The following KAZN variants were observed in gnomAD, a reference collection of about 807,000 sequenced individuals.
KAZN encodes the protein kazrin.
KAZN carries 40 observed loss-of-function variants against 87.4 expected under a neutral mutation model. The observed-to-expected ratio is 0.46, with a 90% CI of 0.36 to 0.60. The LOEUF (loss-of-function observed/expected upper bound fraction) is 0.60. KAZN is among the 20% of genes least tolerant of loss of function. The probability of loss-of-function intolerance (pLI) is 0.00; values close to 1 mark genes in which losing one functional copy is unlikely to be tolerated. For synonymous variants in KAZN, 466 were observed against 458.3 expected (o/e 1.02, Z -0.22); for missense variants, 898 against 1,073.9 (o/e 0.84, Z 2.29).
intron 1 of KAZN, among the ~76,000 whole-genome samples, chr1:14,874,623 T>C (rs897868403): frequency 3.3e-5 from 5 of 152,348 alleles, no homozygotes; most frequent in African/African-American, 1.2e-4. Context: ...AACTGTTGCC[T>C]GACACTCCGT....
intron 1 of KAZN, among the ~76,000 whole-genome samples, chr1:14,122,376 G>T (rs898536918): frequency 5.3e-5 from 8 of 152,060 alleles, no homozygotes; most frequent in Non-Finnish European, 1.0e-4. Flanking sequence ...CTTCTGCCTG[G>T]AGCCACTTTT....
chr1:14,225,883 G>A (rs1647258971), intron 2 of KAZN, among the ~76,000 whole-genome samples: 1 of 152,120 alleles, frequency 6.6e-6, no homozygotes, highest in Admixed American at 6.6e-5. Flanking sequence ...GGACTTAAGT[G>A]TGAAACCTAA....
intron 2 of KAZN, among the ~76,000 whole-genome samples, chr1:14,563,366 C>T (rs576165286): frequency 2.4e-4 from 37 of 152,236 alleles, no homozygotes; most frequent in African/African-American, 8.2e-4. Context: ...ATGGTGTGAC[C>T]AGTAAGATGT....
At chr1:14,508,933 G>T (rs1670758677) in intron 2 of KAZN, among the ~76,000 whole-genome samples, 1 of 152,216 alleles carries the variant, frequency 6.6e-6, no homozygotes, top group African/African-American at 2.4e-5. Context: ...ATCATTGCTT[G>T]CCTGTTCTGT....
intron 2 of KAZN, among the ~76,000 whole-genome samples, chr1:14,337,527 C>T (rs977845603): frequency 6.6e-6 from 1 of 152,176 alleles, no homozygotes; most frequent in Non-Finnish European, 1.5e-5. Flanking sequence ...AATCTGAAAT[C>T]CCTAAAATTG....
At chr1:14,089,602 T>G (rs1643928574) in intron 1 of KAZN, among the ~76,000 whole-genome samples, 1 of 152,308 alleles carries the variant, frequency 6.6e-6, no homozygotes, top group East Asian at 1.9e-4. Flanking sequence ...TTATCATTCA[T>G]TTTACACTGC....
At chr1:14,893,739 C>T (rs1654970746) in intron 1 of KAZN, among the ~76,000 whole-genome samples, 1 of 152,208 alleles carries the variant, frequency 6.6e-6, no homozygotes, top group Non-Finnish European at 1.5e-5. Context: ...CAGAATCAAT[C>T]TGTGCCCGCT....
intron 2 of KAZN, among the ~76,000 whole-genome samples, chr1:14,287,651 T>C (rs1315313768): frequency 6.6e-6 from 1 of 152,198 alleles, no homozygotes; most frequent in Non-Finnish European, 1.5e-5. Context: ...CTTCCTCCTC[T>C]CCTAATTGAA....
intron 1 of KAZN, among the ~76,000 whole-genome samples, chr1:14,738,364 G>A (rs533063638): frequency 6.6e-5 from 10 of 152,174 alleles, no homozygotes; most frequent in South Asian, 2.1e-4. Flanking sequence ...GCACCGTGGC[G>A]CAGATGACAC....
intron 1 of KAZN, among the ~76,000 whole-genome samples, chr1:14,092,691 C>T (rs759794000): frequency 6.6e-6 from 1 of 151,628 alleles, no homozygotes; most frequent in Non-Finnish European, 1.5e-5. Flanking sequence ...GAATTTCAGA[C>T]ACTATAACCA....
At chr1:14,198,467 G>A (rs533685438) in intron 2 of KAZN, among the ~76,000 whole-genome samples, 2 of 152,272 alleles carry the variant, frequency 1.3e-5, no homozygotes, top group African/African-American at 4.8e-5. Flanking sequence ...GGGCATGGTG[G>A]CGCATGCCTG....
At chr1:14,878,084 C>T (rs960465310) in intron 1 of KAZN, among the ~76,000 whole-genome samples, 11 of 152,034 alleles carry the variant, frequency 7.2e-5, no homozygotes, top group East Asian at 3.9e-4. Context: ...TCCAGCTCTC[C>T]GACATATTGG....
At position 15,060,025 on chromosome 1, in the gene KAZN, GT is replaced by G; in HGVS notation, c.917-145del. 3 of 1,012,128 alleles carry G rather than the reference GT, an allele frequency of 3.0e-6. 1 individual carries two copies. Among genetic ancestry groups the G allele is most frequent in the Non-Finnish European group, 1.4e-6 (1 of 703,866 alleles). 62.7% of individuals were successfully genotyped at this position (1,012,128 alleles called of 1,614,324 possible). A position where few individuals can be genotyped will look rare whatever the true frequency, so the allele number is the denominator to read the frequency against. On this transcript the variant is annotated intron_variant, in intron 5 of 14. Coordinates refer to ENST00000376030, the MANE Select transcript of KAZN (RefSeq NM_201628.3). ...AACGTGTGGAGCTGTGGAGTAGGGGGTTGGAGAACCAGGCAAGTCTCTTCCC... is the reference window on the plus strand; with the variant it reads ...AACGTGTGGAGCTGTGGAGTAGGGGGTGGAGAACCAGGCAAGTCTCTTCCC...
intron 2 of KAZN, among the ~76,000 whole-genome samples, chr1:14,577,897 G>A (rs376224626): frequency 6.6e-6 from 1 of 152,156 alleles, no homozygotes; most frequent in East Asian, 1.9e-4. Flanking sequence ...TTTGCCTGAA[G>A]TTCCATGGCT....
intron 1 of KAZN, among the ~76,000 whole-genome samples, chr1:14,672,340 C>T (rs940175636): frequency 1.3e-5 from 2 of 152,172 alleles, no homozygotes; most frequent in African/African-American, 4.8e-5. Context: ...GTGTCCTCTG[C>T]CCGGCATTCA....
At chr1:14,428,380 C>T (rs1253211755) in intron 2 of KAZN, among the ~76,000 whole-genome samples, 1 of 152,098 alleles carries the variant, frequency 6.6e-6, no homozygotes, top group East Asian at 1.9e-4. Flanking sequence ...CCTTTCTAGA[C>T]AGTCCCTGTG....
intron 1 of KAZN, among the ~76,000 whole-genome samples, chr1:13,953,403 A>G (rs1400939225): frequency 6.6e-6 from 1 of 152,192 alleles, no homozygotes; most frequent in Non-Finnish European, 1.5e-5. Context: ...GGACCTCAGG[A>G]TGAACTGAGT....
intron 2 of KAZN, among the ~76,000 whole-genome samples, chr1:14,235,832 C>A (rs138115933): frequency 9.9e-5 from 15 of 152,258 alleles, no homozygotes; most frequent in Admixed American, 2.0e-4. Context: ...TTGCTGGAAA[C>A]AGCACCCTTC....
intron 1 of KAZN, among the ~76,000 whole-genome samples, chr1:14,805,163 C>G (rs891843897): frequency 1.3e-5 from 2 of 152,130 alleles, no homozygotes; most frequent in South Asian, 2.1e-4. Flanking sequence ...AGTAAACAAG[C>G]TACAAGGGTG....
Sources: allele counts gnomAD v4.1 joint callset (sites outside exome capture counted in the v4.1 genomes callset), GRCh38; gene constraint gnomAD v4.1.1; transcripts MANE v1.5; gene names NCBI Gene and HGNC (gene_info 2026-07-23, HGNC 2026-07-21).